The following CDK13 variants were observed in gnomAD, a reference collection of about 807,000 sequenced individuals.
CDK13 encodes the protein cyclin-dependent kinase 13.
Under a neutral mutation model 137.6 loss-of-function variants are expected in CDK13, and 40 were observed. That is an observed-to-expected ratio of 0.29 (90% CI 0.23 to 0.38). The LOEUF is 0.38. Ranked by LOEUF, CDK13 falls within the 10% of genes least tolerant of loss-of-function variation. CDK13 has a pLI of 1.00. For missense variants in CDK13, 1,704 were observed against 1,951.8 expected (o/e 0.87, Z 2.39); for synonymous variants, 869 against 760.1 (o/e 1.14, Z -2.36).
intron 9 of CDK13, among the ~76,000 whole-genome samples, chr7:40,076,068 T>G (rs1292344700): frequency 6.6e-6 from 1 of 151,880 alleles, no homozygotes; most frequent in African/African-American, 2.4e-5. Context: ...TAACCAAAAT[T>G]CTTCACTCTT....
chr7:40,093,276 TA>T, intron 13 of CDK13, 39 bp downstream of exon 13: 1 of 1,455,792 alleles, frequency 6.9e-7, no homozygotes, highest in Non-Finnish European at 9.5e-7. Flanking sequence ...ACAGCTGCAT[TA>T]CATTGTCTAC....
intron 5 of CDK13, among the ~76,000 whole-genome samples, chr7:40,021,633 A>T (rs1415651089): frequency 6.6e-6 from 1 of 152,220 alleles, no homozygotes; most frequent in African/African-American, 2.4e-5. Flanking sequence ...TAACAAATCT[A>T]AAAAAGTAGT....
At chr7:40,024,138 C>T (rs1055718233) in intron 5 of CDK13, among the ~76,000 whole-genome samples, 1 of 152,120 alleles carries the variant, frequency 6.6e-6, no homozygotes, top group African/African-American at 2.4e-5. Flanking sequence ...AAGCAGATTC[C>T]CTCAAGTTCC....
At chr7:40,069,654 G>A (rs1417202978) in intron 9 of CDK13, 1 of 157,176 alleles carries the variant, frequency 6.4e-6, no homozygotes, top group Non-Finnish European at 1.4e-5. Context: ...CTGATCAAGA[G>A]TGATAACACT....
intron 5 of CDK13, among the ~76,000 whole-genome samples, chr7:40,020,100 C>G (rs989093469): frequency 2.0e-5 from 3 of 152,060 alleles, no homozygotes; most frequent in African/African-American, 7.2e-5. Flanking sequence ...CCGGGTCTTG[C>G]TCTGTCACCT....
Position 40,095,866 on chromosome 7 carries a change from C to G in CDK13, c.*886C>G, listed in dbSNP as rs561349469. 15 of 152,188 alleles carry G rather than the reference C, an allele frequency of 9.9e-5. No homozygotes were observed. Among genetic ancestry groups the G allele is most frequent in the Non-Finnish European group, 1.9e-4 (13 of 68,060 alleles). 9.4% of individuals were successfully genotyped at this position (152,188 alleles called of 1,614,324 possible). A position where few individuals can be genotyped will look rare whatever the true frequency, so the allele number is the denominator to read the frequency against. On this transcript the variant is annotated 3_prime_UTR_variant, in exon 14 of 14. Coordinates refer to ENST00000181839, the MANE Select transcript of CDK13 (RefSeq NM_003718.5). Reference sequence around the variant, plus strand: ...TCTGCCTGTCTTTGGGCTGTGTTGCCTTTCACTACCACCTTCTCTTGATAG... The same window carrying G: ...TCTGCCTGTCTTTGGGCTGTGTTGCGTTTCACTACCACCTTCTCTTGATAG...
chr7:40,005,488 G>C (rs1421691260), intron 5 of CDK13, among the ~76,000 whole-genome samples: 1 of 151,826 alleles, frequency 6.6e-6, no homozygotes. Context: ...GTAGAGACAG[G>C]GTTTCGCTAT....
At position 40,099,075 on chromosome 7, in the gene CDK13, A is replaced by C. The variant is rs1057048710; in HGVS notation, c.*4095A>C. The C allele has an allele frequency of 8.6e-5, 13 of 151,958 alleles. No homozygotes were observed. The highest frequency in any genetic ancestry group is 4.1e-4 in the South Asian group (2 of 4,826). 9.4% of individuals were successfully genotyped at this position (151,958 alleles called of 1,614,324 possible). On this transcript the variant is annotated 3_prime_UTR_variant, in exon 14 of 14. Coordinates refer to ENST00000181839, the MANE Select transcript of CDK13 (RefSeq NM_003718.5). ...TATTGATTTGGAACTTTAAAAAAAA[A>C]AACAACAAAAAAATACTTTCAGGGT... is the stretch of plus-strand genomic sequence containing the variant.
chr7:40,030,668 G>T (rs1263738177), intron 5 of CDK13, among the ~76,000 whole-genome samples: 1 of 151,766 alleles, frequency 6.6e-6, no homozygotes, highest in Non-Finnish European at 1.5e-5. Context: ...CAAAGTGCTG[G>T]GATTACAGGT....
At position 40,029,620 on chromosome 7, in the gene CDK13, T is replaced by TGA. The variant is rs371626943; in HGVS notation, c.2354-16195_2354-16194dup. On this transcript the variant is annotated intron_variant, in intron 5 of 13. Transcript: ENST00000181839. ...CTGTAGTTTCAGTTTCTCGGGAGGC[T>TGA]GAGAGAGAGAGAGAGAGAGAGAAAA... Among the ~76,000 whole-genome samples, 1,441 of 145,872 alleles carry TGA rather than the reference T, an allele frequency of 9.9e-3. 5 individuals carry two copies. The highest frequency in any genetic ancestry group is 0.015 in the African/African-American group (590 of 39,820).
intron 1 of CDK13, among the ~76,000 whole-genome samples, chr7:39,966,607 T>C (rs901642803): frequency 2.0e-5 from 3 of 152,252 alleles, no homozygotes; most frequent in Non-Finnish European, 4.4e-5. Context: ...CCTTCTTCTC[T>C]GAACTCGTCG....
intron 5 of CDK13, among the ~76,000 whole-genome samples, chr7:40,005,433 GT>G (rs1182573361): frequency 6.6e-6 from 1 of 151,608 alleles, no homozygotes; most frequent in Non-Finnish European, 1.5e-5. Context: ...AGCATTACAG[GT>G]GTGTGTCACT....
At position 40,038,306 on chromosome 7, in the gene CDK13, A is replaced by G. The variant is rs577909037; in HGVS notation, c.2354-7530A>G. Among the ~76,000 whole-genome samples, 8 of 152,294 alleles carry G rather than the reference A, an allele frequency of 5.3e-5. No homozygotes were observed. In the East Asian group the frequency reaches 1.2e-3, roughly 22 times the overall value. On this transcript the variant is annotated intron_variant, in intron 5 of 13. Transcript: ENST00000181839. ...TACTCCATGTTAGTAGACAAAAATCATTTTGTTAGTAGACAAAAATCACGC... is the reference window on the plus strand; with the variant it reads ...TACTCCATGTTAGTAGACAAAAATCGTTTTGTTAGTAGACAAAAATCACGC...
At chr7:39,963,089 A>G (rs1456707420) in intron 1 of CDK13, among the ~76,000 whole-genome samples, 2 of 152,132 alleles carry the variant, frequency 1.3e-5, no homozygotes, top group Admixed American at 1.3e-4. Flanking sequence ...TTGGCTTAGG[A>G]TTGACTTGGC....
intron 12 of CDK13, chr7:40,092,553 G>A: frequency 2.1e-6 from 1 of 476,896 alleles, no homozygotes; most frequent in Non-Finnish European, 3.7e-6. Context: ...TTTTCCTTTT[G>A]AAGTATTTAC....
chr7:40,021,850 ATAGT>A (rs1785133574), intron 5 of CDK13, among the ~76,000 whole-genome samples: 1 of 152,148 alleles, frequency 6.6e-6, no homozygotes, highest in Middle Eastern at 3.2e-3. Context: ...TTTCAAGCAG[ATAGT>A]TATTTCTGTT....
chr7:40,016,798 G>A (rs141916615), intron 5 of CDK13, among the ~76,000 whole-genome samples: 3 of 152,150 alleles, frequency 2.0e-5, no homozygotes, highest in African/African-American at 7.2e-5. Flanking sequence ...TAATTTAAAC[G>A]ATACAAACTT....
rs183531975 is a variant in CDK13, at chr7:39,955,486, A to G, written c.1211+3634A>G. Among the ~76,000 whole-genome samples the G allele has an allele frequency of 3.9e-3, 588 of 152,240 alleles. 9 individuals carry two copies. Among genetic ancestry groups the G allele is most frequent in the African/African-American group, 0.014 (562 of 41,532 alleles). On this transcript the variant is annotated intron_variant, in intron 1 of 13. Transcript: ENST00000181839. ...CATTAAAGAACATGGGCCACTTACC[A>G]CTTAAAGCATATGCTTTATTGAAAT...
Position 39,988,238 on chromosome 7 carries a change from T to A in CDK13, c.1851T>A (p.Pro617=). 6.3e-7 allele frequency: 1 copy of A among 1,598,636 alleles called. No homozygotes were observed. The highest frequency in any genetic ancestry group is 8.5e-7 in the Non-Finnish European group (1 of 1,176,020). ...CGTTACCTTTGCCTCCCATGCTGCCTGAAGATAAAGAAGCTGATAGGTAAG... is the reference window on the plus strand; with the variant it reads ...CGTTACCTTTGCCTCCCATGCTGCCAGAAGATAAAGAAGCTGATAGGTAAG... The part of the protein sequence containing the change: ...LPPLPLPPML[P]EDKEADSLRG... Residue 617 remains proline (P), a synonymous_variant, in exon 2 of 14, where the codon CCT becomes CCA. Coordinates refer to ENST00000181839, the MANE Select transcript of CDK13 (RefSeq NM_003718.5).
Sources: allele counts gnomAD v4.1 joint callset (sites outside exome capture counted in the v4.1 genomes callset), GRCh38; gene constraint gnomAD v4.1.1; transcripts MANE v1.5; gene names NCBI Gene and HGNC (gene_info 2026-07-23, HGNC 2026-07-21).